OTUD7A: variants seen among roughly 807,000 people sequenced by gnomAD.
OTUD7A encodes OTU domain-containing protein 7A.
In OTUD7A, 12 loss-of-function variants were observed where a neutral mutation model predicts 65.7. The observed-to-expected ratio is 0.18, with a 90% CI of 0.12 to 0.30. The LOEUF (loss-of-function observed/expected upper bound fraction) is 0.30. Among genes scored for constraint, OTUD7A ranks in the 10% least tolerant of loss-of-function variants. The pLI, the probability that OTUD7A is intolerant of heterozygous loss-of-function variation, is 1.00. For missense variants in OTUD7A, 1,148 were observed against 1,304.8 expected (o/e 0.88, Z 1.85); for synonymous variants, 641 against 586.3 (o/e 1.09, Z -1.35).
At chr15:31,821,347 T>C (rs1400331188) in intron 1 of OTUD7A, among the ~76,000 whole-genome samples, 1 of 147,054 alleles carries the variant, frequency 6.8e-6, no homozygotes, top group Admixed American at 6.8e-5. Flanking sequence ...GGTTTCACCA[T>C]GTTGGCCATG....
At chr15:31,493,970 C>A (rs1407428593) in intron 10 of OTUD7A, among the ~76,000 whole-genome samples, 1 of 152,218 alleles carries the variant, frequency 6.6e-6, no homozygotes, top group East Asian at 1.9e-4. Context: ...GCAAATTAAA[C>A]TCAAAGCAGA....
chr15:31,825,395 C>T (rs951309677), intron 1 of OTUD7A, among the ~76,000 whole-genome samples: 11 of 152,166 alleles, frequency 7.2e-5, no homozygotes, highest in African/African-American at 2.7e-4. Context: ...AAAGTGGAAA[C>T]CCCTGATAAA....
chr15:31,778,548 T>G (rs11858772), intron 1 of OTUD7A, among the ~76,000 whole-genome samples: 150,748 of 152,332 alleles, frequency 0.99, 74,611 homozygotes, highest in East Asian at 1. Flanking sequence ...CTGTCCCTCG[T>G]GAGGCAGCCC....
At chr15:31,804,531 T>A (rs535927480) in intron 1 of OTUD7A, among the ~76,000 whole-genome samples, 2 of 151,962 alleles carry the variant, frequency 1.3e-5, no homozygotes, top group Non-Finnish European at 2.9e-5. Flanking sequence ...CTGTGAGGGG[T>A]CTGAGAATTT....
chr15:31,749,650 T>C (rs1894575426), intron 1 of OTUD7A, among the ~76,000 whole-genome samples: 1 of 151,938 alleles, frequency 6.6e-6, no homozygotes, highest in Admixed American at 6.6e-5. Flanking sequence ...TAGAACAACA[T>C]GAGGATGCCC....
chr15:31,796,142 C>CATGT (rs1555418457), intron 1 of OTUD7A, among the ~76,000 whole-genome samples: 1 of 148,020 alleles, frequency 6.8e-6, no homozygotes, highest in African/African-American at 2.5e-5. Flanking sequence ...GTAAGGGGTG[C>CATGT]GTGTGTGTGT....
chr15:31,535,659 T>C (rs1211532204), intron 5 of OTUD7A, among the ~76,000 whole-genome samples: 3 of 122,644 alleles, frequency 2.4e-5, no homozygotes, highest in Non-Finnish European at 5.6e-5. Flanking sequence ...GGGAGTTACC[T>C]TGGGTTCTGT....
At chr15:31,515,055 G>A (rs1412992877) in intron 8 of OTUD7A, among the ~76,000 whole-genome samples, 2 of 152,146 alleles carry the variant, frequency 1.3e-5, no homozygotes, top group African/African-American at 4.8e-5. Flanking sequence ...GAGTGCCGGC[G>A]AGTGAATGGT....
At chr15:31,577,384 C>A (rs1330925034) in intron 3 of OTUD7A, among the ~76,000 whole-genome samples, 1 of 152,198 alleles carries the variant, frequency 6.6e-6, no homozygotes, top group African/African-American at 2.4e-5. Context: ...GACTTCAAAT[C>A]TTTAGGCAAA....
intron 1 of OTUD7A, among the ~76,000 whole-genome samples, chr15:31,685,362 C>T (rs1352012781): frequency 6.6e-6 from 1 of 152,150 alleles, no homozygotes; most frequent in Non-Finnish European, 1.5e-5. Context: ...ATCCCAGTTA[C>T]TGGCTGGGTG....
intron 1 of OTUD7A, among the ~76,000 whole-genome samples, chr15:31,797,826 T>C (rs960969687): frequency 5.3e-5 from 8 of 152,182 alleles, no homozygotes; most frequent in African/African-American, 1.9e-4. Context: ...GCACATCAGT[T>C]ATGGAACGTT....
intron 1 of OTUD7A, among the ~76,000 whole-genome samples, chr15:31,811,646 G>C (rs1360797707): frequency 6.6e-6 from 1 of 152,100 alleles, no homozygotes; most frequent in Non-Finnish European, 1.5e-5. Context: ...CACTCCCGGG[G>C]CTCCGGGTGC....
At chr15:31,809,998 C>T (rs767150428) in intron 1 of OTUD7A, among the ~76,000 whole-genome samples, 2 of 152,224 alleles carry the variant, frequency 1.3e-5, no homozygotes, top group Non-Finnish European at 2.9e-5. Flanking sequence ...GATAAGAAAA[C>T]ACACTTGGAG....
chr15:31,741,861 T>C (rs1270805005), intron 1 of OTUD7A, among the ~76,000 whole-genome samples: 1 of 151,792 alleles, frequency 6.6e-6, no homozygotes, highest in East Asian at 1.9e-4. Flanking sequence ...AGAAAACAAA[T>C]ATATGGTAGA....
chr15:31,555,671 T>C (rs565873602), intron 5 of OTUD7A, among the ~76,000 whole-genome samples: 54 of 152,160 alleles, frequency 3.5e-4, no homozygotes, highest in African/African-American at 1.2e-3. Context: ...AGTCTGAGCA[T>C]AGCAGGGCAC....
chr15:31,579,079 T>C (rs1889292831), intron 3 of OTUD7A, among the ~76,000 whole-genome samples: 1 of 152,092 alleles, frequency 6.6e-6, no homozygotes, highest in African/African-American at 2.4e-5. Flanking sequence ...ATGCACAAAA[T>C]GTTAAAAGAC....
At chr15:31,622,551 G>T (rs984391510) in intron 3 of OTUD7A, among the ~76,000 whole-genome samples, 2 of 152,080 alleles carry the variant, frequency 1.3e-5, no homozygotes, top group African/African-American at 4.8e-5. Context: ...TCCAGTTGAT[G>T]GAATTGGCTA....
intron 1 of OTUD7A, among the ~76,000 whole-genome samples, chr15:31,775,074 C>A (rs905433): frequency 0.99 from 149,865 of 151,706 alleles, 74,055 homozygotes; most frequent in East Asian, 1. Flanking sequence ...GTGTACGCTC[C>A]CATGTCCATG....
intron 5 of OTUD7A, among the ~76,000 whole-genome samples, chr15:31,537,204 A>G (rs1290242105): frequency 6.6e-6 from 1 of 152,218 alleles, no homozygotes; most frequent in African/African-American, 2.4e-5. Context: ...CCATATTAAC[A>G]AAGTTTAATA....
Sources: gnomAD v4.1 joint callset for allele counts (sites outside exome capture counted in the v4.1 genomes callset) on GRCh38, gnomAD v4.1.1 for gene constraint, MANE v1.5 for transcripts, NCBI Gene and HGNC (gene_info 2026-07-23, HGNC 2026-07-21) for gene names.